ZNF280C: variants seen among roughly 807,000 people sequenced by gnomAD.
ZNF280C encodes the protein zinc finger protein 280C, also known as suppressor of hairy wing homolog 3.
In ZNF280C, 14 loss-of-function variants were observed where a neutral mutation model predicts 53.6. The observed-to-expected ratio is 0.26, with a 90% confidence interval of 0.17 to 0.41. The LOEUF is 0.41. Ranked by LOEUF, ZNF280C falls within the 10% of genes least tolerant of loss-of-function variation. The probability of loss-of-function intolerance (pLI) is 1.00; values close to 1 mark genes in which losing one functional copy is unlikely to be tolerated. For synonymous variants in ZNF280C, 203 were observed against 181.1 expected, an observed-to-expected ratio of 1.12 and a Z score of -0.97; for missense variants, 416 against 547.1, an observed-to-expected ratio of 0.76 and a Z score of 2.39.
Position 130,205,376 on chromosome X carries a change from A to C in ZNF280C, c.2082T>G (p.Ala694=), listed in dbSNP as rs2031961403. ...CCATACGATCTAAGCCGGAAGAATC[A>C]GCTAGGAAATCACATTTAAGGCACA... ...TLVCLKCDFL[A]DSSGLDRMAK... Residue 694 remains alanine, a synonymous_variant, in exon 17 of 19, where the codon GCT becomes GCG. Coordinates refer to ENST00000370978, the MANE Select transcript of ZNF280C (RefSeq NM_017666.5). The C allele has an allele frequency of 1.7e-6, 2 of 1,208,704 alleles. No homozygotes were observed. Among genetic ancestry groups the C allele is most frequent in the Non-Finnish European group, 1.1e-6 (1 of 893,749 alleles).
intron 8 of ZNF280C, 129 bp downstream of exon 8, chrX:130,236,085 A>C (rs188011174): frequency 5.4e-6 from 2 of 372,918 alleles, no homozygotes; most frequent in East Asian, 8.7e-5. Flanking sequence ...CTTAAGTTAC[A>C]TGGAAATGCC....
intron 9 of ZNF280C, 108 bp from the exon 10 acceptor site, chrX:130,229,242 A>G (rs1007073277): frequency 2.6e-6 from 2 of 779,732 alleles, no homozygotes; most frequent in Non-Finnish European, 3.6e-6. Flanking sequence ...CTATGACTCA[A>G]AATAACATCT....
intron 12 of ZNF280C, among the ~76,000 whole-genome samples, chrX:130,223,676 T>A (rs2032192021): frequency 8.9e-6 from 1 of 112,252 alleles, no homozygotes; most frequent in African/African-American, 3.2e-5. Flanking sequence ...AAAGAGCTAA[T>A]GAGGATATTT....
At chrX:130,209,786 A>G (rs777304439) in intron 15 of ZNF280C, 71 bp from the exon 16 acceptor site, 56 of 845,811 alleles carry the variant, frequency 6.6e-5, no homozygotes, top group Non-Finnish European at 8.5e-5. Context: ...TTCTGACCAC[A>G]TTTCAAGCCA....
At chrX:130,237,580 T>C (rs1324089773) in intron 6 of ZNF280C, among the ~76,000 whole-genome samples, 1 of 111,570 alleles carries the variant, frequency 9.0e-6, no homozygotes, top group Non-Finnish European at 1.9e-5. Context: ...TACTTTGTGA[T>C]AAGGGTTCTA....
intron 12 of ZNF280C, among the ~76,000 whole-genome samples, chrX:130,225,709 C>G (rs1157497703): frequency 3.7e-5 from 4 of 107,979 alleles, no homozygotes; most frequent in African/African-American, 1.4e-4. Flanking sequence ...AGTCATAACA[C>G]AGGTAATCTG....
At chrX:130,227,655 T>G (rs2032234001) in intron 11 of ZNF280C, 27 bp downstream of exon 11, 3 of 1,017,129 alleles carry the variant, frequency 2.9e-6, no homozygotes, top group Non-Finnish European at 2.8e-6. Context: ...AACAAACACT[T>G]AACTACACAA....
At chrX:130,222,355 T>A (rs112960651) in intron 12 of ZNF280C, among the ~76,000 whole-genome samples, 14 of 102,659 alleles carry the variant, frequency 1.4e-4, no homozygotes, top group African/African-American at 5.1e-4. Flanking sequence ...GATGCATTAT[T>A]TCAGTGAGTA....
intron 8 of ZNF280C, among the ~76,000 whole-genome samples, chrX:130,233,557 G>A (rs1422691176): frequency 1.9e-5 from 2 of 106,050 alleles, no homozygotes; most frequent in South Asian, 4.4e-4. Context: ...TGGAGGTTGC[G>A]GTTGTGGTCA....
At chrX:130,250,964 G>A (rs1419589134) in intron 2 of ZNF280C, among the ~76,000 whole-genome samples, 2 of 110,037 alleles carry the variant, frequency 1.8e-5, no homozygotes, top group Non-Finnish European at 3.8e-5. Flanking sequence ...CAGGGTGATG[G>A]TGAAAGCCTG....
In ZNF280C at chrX:130,243,883, T is replaced by C; in HGVS notation, c.179-18A>G. The C allele has an allele frequency of 1.9e-6, 2 of 1,028,490 alleles. No individual in the cohort carries two copies. The highest frequency in any genetic ancestry group is 2.6e-6 in the Non-Finnish European group (2 of 775,421). 84.8% of individuals were successfully genotyped at this position (1,028,490 alleles called of 1,213,427 possible). On this transcript the variant is annotated intron_variant, in intron 3 of 18. Coordinates refer to ENST00000370978, the MANE Select transcript of ZNF280C (RefSeq NM_017666.5). ...CAAAATATCTATAAAATTATATTTA[T>C]TTTAAAATTTGTTATGTGAATGAAA...
At chrX:130,260,703 C>G (rs923605841) in intron 1 of ZNF280C, among the ~76,000 whole-genome samples, 9 of 111,872 alleles carry the variant, frequency 8.0e-5, no homozygotes, top group African/African-American at 2.9e-4. Context: ...TAGTCTTTTT[C>G]TCCTACAAAA....
chrX:130,249,542 G>A (rs2032485874), intron 2 of ZNF280C, among the ~76,000 whole-genome samples: 1 of 112,021 alleles, frequency 8.9e-6, no homozygotes, highest in Non-Finnish European at 1.9e-5. Context: ...ATGCACTCCA[G>A]GAGTTGTAAG....
chrX:130,262,311 T>C (rs2032638866), intron 1 of ZNF280C, among the ~76,000 whole-genome samples: 2 of 112,296 alleles, frequency 1.8e-5, no homozygotes, highest in African/African-American at 6.5e-5. Context: ...ATATTTCAAG[T>C]GCTCAAAAGC....
chrX:130,229,960 A>G (rs919234475), intron 9 of ZNF280C, among the ~76,000 whole-genome samples: 10 of 112,433 alleles, frequency 8.9e-5, no homozygotes, highest in Admixed American at 5.7e-4. Context: ...TGAATCACTA[A>G]AGAAAATAAT....
rs778568583 is a variant in ZNF280C at position 130,215,833 on chromosome X, C to T, written c.1796G>A (p.Arg599His). The T allele has an allele frequency of 1.7e-5, 20 of 1,206,450 alleles. No homozygotes were observed. Among genetic ancestry groups the T allele is most frequent in the South Asian group, 7.2e-5 (4 of 55,759 alleles). ...AAGGCTCATTTTATTTTTTCTGTTG[C>T]GCTGTCGCTTTTGCTTGTAAGAGGG... ...AKPSYKQKRQ[R>H]NRKNKMSLAL... Residue 599 changes from arginine to histidine, a missense_variant, in exon 14 of 19, where the codon CGC becomes CAC. Arg to His is a conservative substitution (Grantham distance 29). Around this residue, in one of 3 missense-constraint regions of ZNF280C, gnomAD observed 151 missense variants for 176.9 expected, o/e 0.85. Coordinates refer to ENST00000370978, the MANE Select transcript of ZNF280C (RefSeq NM_017666.5).
chrX:130,265,996 A>G (rs901188443), intron 1 of ZNF280C, among the ~76,000 whole-genome samples: 9 of 111,667 alleles, frequency 8.1e-5, no homozygotes, highest in African/African-American at 2.9e-4. Flanking sequence ...CTTAATGAGA[A>G]CCCCAATGAG....
chrX:130,241,973 C>T (rs1399159572), intron 5 of ZNF280C, among the ~76,000 whole-genome samples: 1 of 89,879 alleles, frequency 1.1e-5, no homozygotes, highest in African/African-American at 4.8e-5. Context: ...TGGTGGCTCA[C>T]GTCTGTAATT....
intron 16 of ZNF280C, among the ~76,000 whole-genome samples, chrX:130,207,348 A>C (rs1267361917): frequency 9.0e-6 from 1 of 111,389 alleles, no homozygotes; most frequent in Non-Finnish European, 1.9e-5. Flanking sequence ...GTTCAAAACT[A>C]TCTCCCCAGA....
Sources: gnomAD v4.1 joint callset for allele counts (sites outside exome capture counted in the v4.1 genomes callset) on GRCh38, gnomAD v4.1.1 for gene constraint, gnomAD v4.1.1 regional missense constraint, MANE v1.5 for transcripts, NCBI Gene and HGNC (gene_info 2026-07-23, HGNC 2026-07-21) for gene names.